The following THSD4 variants were observed in gnomAD, a reference collection of about 807,000 sequenced individuals.
The protein encoded by THSD4 is thrombospondin type-1 domain-containing protein 4.
A neutral mutation model predicts 119.0 loss-of-function variants in THSD4; 69 were observed. That is an observed-to-expected ratio of 0.58 (90% confidence interval 0.48 to 0.71). THSD4 has a LOEUF of 0.71. THSD4 is among the 30% of genes least tolerant of loss of function. The pLI is 0.00. For synonymous variants in THSD4, 524 were observed against 540.4 expected, an observed-to-expected ratio of 0.97 and a Z score of 0.42; for missense variants, 1,393 against 1,391.1, an observed-to-expected ratio of 1.00 and a Z score of -0.02.
chr15:71,123,208 G>A (rs942282148), intron 1 of THSD4, among the ~76,000 whole-genome samples: 7 of 152,314 alleles, frequency 4.6e-5, no homozygotes, highest in Non-Finnish European at 8.8e-5. Context: ...CTGAGATTGC[G>A]CTGCTGTGCG....
At chr15:71,545,195 G>T (rs2048817907) in intron 7 of THSD4, among the ~76,000 whole-genome samples, 1 of 152,186 alleles carries the variant, frequency 6.6e-6, no homozygotes, top group Non-Finnish European at 1.5e-5. Flanking sequence ...AATATTAAAA[G>T]GAGGACATGG....
In THSD4 at chr15:71,731,112, T is replaced by C; in HGVS notation, c.1534-9T>C. ...CCAAGTGCGGTAACACTGATTTTTG[T>C]GTCAGCAGATGATACACCAGCAGCC... On this transcript the variant is annotated splice_polypyrimidine_tract_variant and intron_variant, in intron 9 of 17. Coordinates refer to ENST00000261862, the MANE Select transcript of THSD4 (RefSeq NM_024817.3). 1 of 1,614,044 alleles carries C rather than the reference T, an allele frequency of 6.2e-7. No individual in the cohort carries two copies. Among genetic ancestry groups the C allele is most frequent in the Non-Finnish European group, 8.5e-7 (1 of 1,179,942 alleles).
chr15:71,248,812 A>T (rs1238727612), intron 5 of THSD4, among the ~76,000 whole-genome samples: 3 of 152,182 alleles, frequency 2.0e-5, no homozygotes, highest in African/African-American at 7.2e-5. Context: ...ATATTGAATG[A>T]AAGAGGAGCT....
At chr15:71,732,751 A>AG (rs1196197026) in intron 10 of THSD4, 1 of 152,320 alleles carries the variant, frequency 6.6e-6, no homozygotes, top group East Asian at 1.9e-4. Flanking sequence ...TGACCTGAGG[A>AG]GGGCCTGTGT....
chr15:71,436,223 G>C lies in THSD4; in HGVS notation c.1152+24400G>C, dbSNP rs142564117. Among the ~76,000 whole-genome samples, 8 of 152,222 alleles carry C rather than the reference G, an allele frequency of 5.3e-5. No homozygotes were observed. In the East Asian group the frequency reaches 1.5e-3, roughly 29 times the overall value. The stretch of plus-strand genomic sequence containing the variant: ...AGACAATGGGCTTATAGGGGTTTTA[G>C]GCCTATGTTCTATCCTACTTCTACC... On this transcript the variant is annotated intron_variant, in intron 7 of 17. Coordinates refer to ENST00000261862, the MANE Select transcript of THSD4 (RefSeq NM_024817.3).
In THSD4 at chr15:71,608,237, A is replaced by AAAAT. The variant is rs537013275; in HGVS notation, c.1153-52292_1153-52291insAATA. ...AACTCTGTCTCAAAAAAAAAAAAAA[A>AAAAT]ATATATATATATACACACACACACA... On this transcript the variant is annotated intron_variant, in intron 7 of 17. Coordinates refer to ENST00000261862, the MANE Select transcript of THSD4 (RefSeq NM_024817.3). Among the ~76,000 whole-genome samples, 7 of 111,592 alleles carry AAAAT rather than the reference A, an allele frequency of 6.3e-5. No homozygotes were observed. In the East Asian group the frequency reaches 8.8e-4, roughly 14 times the overall value. The allele number at this position is 111,592 out of a possible 152,430, so 73.2% of individuals were successfully genotyped here.
In THSD4 at chr15:71,718,312, G is replaced by A. The variant is rs180894880; in HGVS notation, c.1358-10237G>A. On this transcript the variant is annotated intron_variant, in intron 8 of 17. Transcript: ENST00000261862. ...ACAATGAGACCCATTGACAAAATTA[G>A]CCTCCTGGAATTCCTTCTGAAGGGC... 2.0e-5 allele frequency among the ~76,000 whole-genome samples: 3 copies of A among 152,206 alleles called. 1 individual carries two copies. In the East Asian group the frequency reaches 5.8e-4, roughly 30 times the overall value.
intron 7 of THSD4, among the ~76,000 whole-genome samples, chr15:71,631,083 T>G (rs1217258321): frequency 6.6e-6 from 1 of 152,138 alleles, no homozygotes; most frequent in Non-Finnish European, 1.5e-5. Flanking sequence ...TTGAGTACTC[T>G]GCATTGGATG....
chr15:71,461,455 C>T (rs1187726775), intron 7 of THSD4, among the ~76,000 whole-genome samples: 1 of 152,152 alleles, frequency 6.6e-6, no homozygotes, highest in African/African-American at 2.4e-5. Context: ...GCATGAACAC[C>T]AGTTGCCATC....
At chr15:71,306,617 C>A (rs2045034151) in intron 6 of THSD4, among the ~76,000 whole-genome samples, 1 of 152,082 alleles carries the variant, frequency 6.6e-6, no homozygotes, top group Admixed American at 6.6e-5. Context: ...TTTTCTCAAC[C>A]CTGGTGTCTG....
At chr15:71,735,079 TACAC>T (rs368349893) in intron 10 of THSD4, among the ~76,000 whole-genome samples, 1 of 149,990 alleles carries the variant, frequency 6.7e-6, no homozygotes, top group Admixed American at 6.7e-5. Flanking sequence ...GCTTGGGGGT[TACAC>T]ACACACACAC....
rs752873194 is a variant in THSD4 at position 71,411,747 on chromosome 15, G to A, written c.1076G>A (p.Arg359Gln). 8.1e-6 allele frequency: 13 copies of A among 1,613,970 alleles called. No homozygotes were observed. The highest frequency in any genetic ancestry group is 5.0e-5 in the Admixed American group (3 of 59,990). The change falls in exon 7 of 18, where the codon CGG becomes CAG. Residue 359 changes from arginine to glutamine, a missense_variant. By Grantham distance (43) the Arg-to-Gln change is conservative. Coordinates refer to ENST00000261862, the MANE Select transcript of THSD4 (RefSeq NM_024817.3). ...CQAMGYRFYV[R>Q]QAEKVIDGTP... The stretch of plus-strand genomic sequence containing the variant: ...GCAATGGGCTACCGCTTCTATGTAC[G>A]GCAAGCTGAGAAAGTCATCGATGGC...
chr15:71,743,148 G>C (rs1443379920), intron 11 of THSD4, among the ~76,000 whole-genome samples: 1 of 152,082 alleles, frequency 6.6e-6, no homozygotes, highest in Non-Finnish European at 1.5e-5. Flanking sequence ...CTGGACCATG[G>C]ACAATGTCCA....
intron 7 of THSD4, among the ~76,000 whole-genome samples, chr15:71,566,846 A>T (rs1595890548): frequency 1.4e-5 from 2 of 147,998 alleles, no homozygotes; most frequent in African/African-American, 2.5e-5. Context: ...CTGTCTTTTC[A>T]CCCTGAGTAC....
chr15:71,460,650 G>A (rs2047417210), intron 7 of THSD4, among the ~76,000 whole-genome samples: 1 of 152,116 alleles, frequency 6.6e-6, no homozygotes, highest in South Asian at 2.1e-4. Context: ...TCTCTCGACG[G>A]GCTGGTAGCT....
intron 7 of THSD4, among the ~76,000 whole-genome samples, chr15:71,525,529 C>T (rs547258490): frequency 6.6e-6 from 1 of 152,292 alleles, no homozygotes; most frequent in South Asian, 2.1e-4. Context: ...TTTATTCAAA[C>T]TATGAGTTGA....
intron 6 of THSD4, among the ~76,000 whole-genome samples, chr15:71,285,507 A>G (rs1405134665): frequency 6.6e-6 from 1 of 152,174 alleles, no homozygotes; most frequent in Non-Finnish European, 1.5e-5. Context: ...TCAAGCAACT[A>G]AGTACTTCAC....
chr15:71,418,425 T>A (rs1285135961), intron 7 of THSD4, among the ~76,000 whole-genome samples: 1 of 108,938 alleles, frequency 9.2e-6, no homozygotes, highest in Non-Finnish European at 2.0e-5. Flanking sequence ...TGTTAAGGCA[T>A]GTTCCTTCTA....
intron 6 of THSD4, among the ~76,000 whole-genome samples, chr15:71,311,023 C>T (rs1333218610): frequency 6.6e-6 from 1 of 152,186 alleles, no homozygotes; most frequent in Non-Finnish European, 1.5e-5. Flanking sequence ...AATAAAGTGA[C>T]TTAAACATGA....
Sources: gnomAD v4.1 joint callset for allele counts (sites outside exome capture counted in the v4.1 genomes callset) on GRCh38, gnomAD v4.1.1 for gene constraint, MANE v1.5 for transcripts, NCBI Gene and HGNC (gene_info 2026-07-23, HGNC 2026-07-21) for gene names.